Variants in CBL observed in about 807,000 individuals in gnomAD.
CBL encodes the protein E3 ubiquitin-protein ligase CBL.
Under a neutral mutation model 96.9 loss-of-function variants are expected in CBL, and 45 were observed. The observed-to-expected ratio is 0.46, with a 90% confidence interval of 0.37 to 0.60. The LOEUF is 0.60. Ranked by LOEUF, CBL falls within the 20% of genes least tolerant of loss-of-function variation. The pLI is 0.00. For missense variants in CBL, 1,024 were observed against 1,143.5 expected, an observed-to-expected ratio of 0.90 and a Z score of 1.51; for synonymous variants, 420 against 426.8, an observed-to-expected ratio of 0.98 and a Z score of 0.20.
At chr11:119,278,413 T>C (rs1949906700) in intron 8 of CBL, 97 bp from the exon 9 acceptor site, 17 of 1,547,188 alleles carry the variant, frequency 1.1e-5, no homozygotes, top group South Asian at 2.2e-5. Context: ...GTTTAAACTT[T>C]TACTTTTTTT....
At chr11:119,264,957 A>G (rs1012270689) in intron 2 of CBL, among the ~76,000 whole-genome samples, 4 of 151,544 alleles carry the variant, frequency 2.6e-5, no homozygotes, top group African/African-American at 9.7e-5. Flanking sequence ...GCTCACTGCA[A>G]CCTCCACTTG....
At chr11:119,297,527 G>A (rs1264497790) in intron 14 of CBL, 46 bp downstream of exon 14, 1 of 1,337,692 alleles carries the variant, frequency 7.5e-7, no homozygotes, top group Non-Finnish European at 1.1e-6. Context: ...TATGTCATAG[G>A]AATGAACATG....
rs888359179 is a variant in CBL at position 119,299,941 on chromosome 11, A to G, written c.*160A>G. The stretch of plus-strand genomic sequence containing the variant: ...TGGTTCCAAGATTTCAAAGTGGTGA[A>G]ATGAAAATGGAGCAGCTAGTATGTT... On this transcript the variant is annotated 3_prime_UTR_variant, in exon 16 of 16. Coordinates refer to ENST00000264033, the MANE Select transcript of CBL (RefSeq NM_005188.4). The G allele has an allele frequency of 2.1e-5, 16 of 764,412 alleles. No individual in the cohort carries two copies. The highest frequency in any genetic ancestry group is 1.9e-4 in the African/African-American group (11 of 58,118). The allele number at this position is 764,412 out of a possible 1,614,324, so 47.4% of individuals were successfully genotyped here. A position where few individuals can be genotyped will look rare whatever the true frequency, so the allele number is the denominator to read the frequency against.
rs1202063991 is a variant in CBL, at chr11:119,307,663, G to A, written c.*7882G>A. 4.4e-6 allele frequency: 1 copy of A among 227,870 alleles called. No homozygotes were observed. 14.1% of individuals were successfully genotyped at this position (227,870 alleles called of 1,614,324 possible). A position where few individuals can be genotyped will look rare whatever the true frequency, so the allele number is the denominator to read the frequency against. ...TTTACCCTTTCCTCAGTTTTCCCCT[G>A]CCTTTAACTAATAAAGAATTGGGAG... On this transcript the variant is annotated 3_prime_UTR_variant, in exon 16 of 16. Coordinates refer to ENST00000264033, the MANE Select transcript of CBL (RefSeq NM_005188.4).
At chr11:119,296,340 T>G (rs1950062219) in intron 12 of CBL, among the ~76,000 whole-genome samples, 1 of 152,176 alleles carries the variant, frequency 6.6e-6, no homozygotes. Context: ...GCAGAAGTCT[T>G]GTTTCCAAAG....
intron 2 of CBL, among the ~76,000 whole-genome samples, chr11:119,249,390 T>C (rs1245909938): frequency 2.0e-5 from 3 of 152,046 alleles, no homozygotes; most frequent in South Asian, 4.1e-4. Context: ...ACCCCATCTC[T>C]ACTGAAATAC....
chr11:119,291,701 G>A (rs956350423), intron 12 of CBL, among the ~76,000 whole-genome samples: 2 of 152,092 alleles, frequency 1.3e-5, no homozygotes, highest in South Asian at 2.1e-4. Flanking sequence ...CAGTGAGACC[G>A]TGTCTCAAAA....
At chr11:119,239,381 G>A (rs191342401) in intron 2 of CBL, among the ~76,000 whole-genome samples, 21 of 152,146 alleles carry the variant, frequency 1.4e-4, no homozygotes, top group African/African-American at 5.1e-4. Context: ...TGATGCTATT[G>A]TAAATGGAAT....
chr11:119,220,416 C>T (rs1199208428), intron 1 of CBL, among the ~76,000 whole-genome samples: 2 of 152,114 alleles, frequency 1.3e-5, no homozygotes. Context: ...TAAGACCAGC[C>T]TGGATAACAT....
Position 119,278,273 on chromosome 11 carries a change from C to CACATCCTGTCTT in CBL, c.1212_1223dup (p.Cys404_Ser407dup), listed in dbSNP as rs2135303865. On this transcript the variant is annotated inframe_insertion, in exon 8 of 16. Coordinates refer to ENST00000264033, the MANE Select transcript of CBL (RefSeq NM_005188.4). ...TTGAGCCCTGTGGACACCTCATGTG[C>CACATCCTGTCTT]ACATCCTGTCTTACATCCTGGCAGG... The CACATCCTGTCTT allele has an allele frequency of 1.2e-6, 2 of 1,613,900 alleles. No homozygotes were observed. The highest frequency in any genetic ancestry group is 1.7e-6 in the Non-Finnish European group (2 of 1,179,822).
intron 2 of CBL, among the ~76,000 whole-genome samples, chr11:119,243,650 T>G (rs892710572): frequency 6.6e-6 from 1 of 151,770 alleles, no homozygotes; most frequent in South Asian, 2.1e-4. Context: ...CTAGAAAGAA[T>G]GATACCAAAA....
intron 15 of CBL, 147 bp from the exon 16 acceptor site, chr11:119,299,348 C>T: frequency 1.4e-6 from 1 of 708,150 alleles, no homozygotes. Flanking sequence ...AACCCTTGAA[C>T]CTGTAAAACC....
At chr11:119,249,395 A>G (rs1949654592) in intron 2 of CBL, among the ~76,000 whole-genome samples, 1 of 152,056 alleles carries the variant, frequency 6.6e-6, no homozygotes, top group African/African-American at 2.4e-5. Context: ...ATCTCTACTG[A>G]AATACAAAAA....
At chr11:119,228,841 G>A (rs183981078) in intron 1 of CBL, among the ~76,000 whole-genome samples, 159 of 145,094 alleles carry the variant, frequency 1.1e-3, no homozygotes, top group Non-Finnish European at 1.8e-3. Context: ...ACGTGGTTTC[G>A]CTCTTGTCCC....
intron 2 of CBL, among the ~76,000 whole-genome samples, chr11:119,268,556 T>G (rs2135293872): frequency 6.6e-6 from 1 of 152,290 alleles, no homozygotes; most frequent in South Asian, 2.1e-4. Context: ...GGAAATGTGG[T>G]AGAGTAGATA....
At chr11:119,223,184 CTTTTTTTTTTTTTTTTT>C (rs1167302746) in intron 1 of CBL, among the ~76,000 whole-genome samples, 5 of 67,196 alleles carry the variant, frequency 7.4e-5, no homozygotes, top group South Asian at 2.1e-3. Flanking sequence ...CACACCCTTC[CTTTTTTTTTTTTTTTTT>C]TTTTTTTTTT....
intron 2 of CBL, among the ~76,000 whole-genome samples, chr11:119,233,911 T>G (rs1261756550): frequency 6.6e-6 from 1 of 152,254 alleles, no homozygotes; most frequent in Non-Finnish European, 1.5e-5. Context: ...TTTATGCACA[T>G]GATTATCCAT....
At chr11:119,298,647 C>T in intron 15 of CBL, 107 bp downstream of exon 15, 3 of 976,422 alleles carry the variant, frequency 3.1e-6, no homozygotes, top group Non-Finnish European at 5.0e-6. Context: ...AGTATGTAGG[C>T]TAAACATTAT....
At chr11:119,230,674 T>G (rs935460102) in intron 1 of CBL, among the ~76,000 whole-genome samples, 1 of 152,210 alleles carries the variant, frequency 6.6e-6, no homozygotes, top group Non-Finnish European at 1.5e-5. Context: ...TTTTTTCTCA[T>G]ATGGATAACA....
Sources: gnomAD v4.1 joint callset for allele counts (sites outside exome capture counted in the v4.1 genomes callset) on GRCh38, gnomAD v4.1.1 for gene constraint, MANE v1.5 for transcripts, NCBI Gene and HGNC (gene_info 2026-07-23, HGNC 2026-07-21) for gene names.